The following CTIF variants were observed in gnomAD, a reference collection of about 807,000 sequenced individuals.
CTIF encodes cap binding complex dependent translation initiation factor, also known as CBP80/20-dependent translation initiation factor.
A neutral mutation model predicts 66.0 loss-of-function variants in CTIF; 21 were observed. That is an observed-to-expected ratio of 0.32 (90% CI 0.23 to 0.46). The LOEUF is 0.46. Among genes scored for constraint, CTIF ranks in the 20% least tolerant of loss-of-function variants. The pLI is 1.00. For missense variants in CTIF, 739 were observed against 812.7 expected (o/e 0.91, Z 1.10); for synonymous variants, 345 against 326.4 (o/e 1.06, Z -0.62).
At position 48,664,428 on chromosome 18, in the gene CTIF, A is replaced by G. The variant is rs1169981303; in HGVS notation, c.327-19A>G. On this transcript the variant is annotated intron_variant, in intron 4 of 11. Transcript: ENST00000256413. ...TGTTGCCCTCTTGCCTCCGTTTCTC[A>G]CCCTCCCTCGCCCTCTAGTGGTGCC... The G allele has an allele frequency of 6.2e-7, 1 of 1,605,140 alleles. No homozygotes were observed. The highest frequency in any genetic ancestry group is 8.5e-7 in the Non-Finnish European group (1 of 1,173,340).
At chr18:48,729,914 G>A (rs576130943) in intron 7 of CTIF, among the ~76,000 whole-genome samples, 15 of 152,320 alleles carry the variant, frequency 9.8e-5, no homozygotes, top group South Asian at 4.1e-4. Context: ...CTGTTAATCC[G>A]CTCTTTCCAA....
At chr18:48,559,545 G>A (rs908170851) in intron 1 of CTIF, among the ~76,000 whole-genome samples, 2 of 152,216 alleles carry the variant, frequency 1.3e-5, no homozygotes, top group African/African-American at 4.8e-5. Flanking sequence ...TCCTGCTCAT[G>A]AGTCTGTAAT....
rs542420676 is a variant in CTIF, at chr18:48,723,646, C to T, written c.584+11951C>T. 2.1e-4 allele frequency among the ~76,000 whole-genome samples: 32 copies of T among 152,294 alleles called. No individual in the cohort carries two copies. In the Middle Eastern group the frequency reaches 0.02, roughly 97 times the overall value. ...AGAGCTTCCTCCAGCTGTTGGCTCCCCTGACTCCCAAGAGGACAAACCCAG... is the reference window on the plus strand; with the variant it reads ...AGAGCTTCCTCCAGCTGTTGGCTCCTCTGACTCCCAAGAGGACAAACCCAG... On this transcript the variant is annotated intron_variant, in intron 7 of 11. Transcript: ENST00000256413.
intron 9 of CTIF, among the ~76,000 whole-genome samples, chr18:48,769,795 T>G (rs573577858): frequency 6.6e-6 from 1 of 152,382 alleles, no homozygotes; most frequent in Admixed American, 6.5e-5. Flanking sequence ...AATCTTTATT[T>G]CTTCTCAACG....
chr18:48,805,189 C>T (rs959610204), intron 9 of CTIF, among the ~76,000 whole-genome samples: 1 of 152,200 alleles, frequency 6.6e-6, no homozygotes, highest in Non-Finnish European at 1.5e-5. Context: ...ATTCCCAGCC[C>T]TCTGCTTCAC....
chr18:48,593,953 G>A (rs764866722), intron 1 of CTIF, among the ~76,000 whole-genome samples: 9 of 152,006 alleles, frequency 5.9e-5, no homozygotes, highest in Non-Finnish European at 8.8e-5. Flanking sequence ...TGTGATAGAG[G>A]CTCCTGAACA....
At chr18:48,732,404 G>A (rs2092464527) in intron 7 of CTIF, among the ~76,000 whole-genome samples, 3 of 152,036 alleles carry the variant, frequency 2.0e-5, no homozygotes, top group Non-Finnish European at 4.4e-5. Context: ...CAGCAGGGCA[G>A]TGCACACCCA....
intron 10 of CTIF, among the ~76,000 whole-genome samples, chr18:48,847,185 G>A (rs1431896617): frequency 6.6e-6 from 1 of 151,884 alleles, no homozygotes; most frequent in South Asian, 2.1e-4. Context: ...GTGCGTGCCT[G>A]TAGTCCCAGC....
At chr18:48,734,305 C>T (rs1037054986) in intron 7 of CTIF, among the ~76,000 whole-genome samples, 1 of 152,228 alleles carries the variant, frequency 6.6e-6, no homozygotes, top group African/African-American at 2.4e-5. Flanking sequence ...GTGGCTCACG[C>T]CTGTAATCCT....
In CTIF at chr18:48,761,782, A is replaced by G. The variant is rs1020753189; in HGVS notation, c.1371+93A>G. 10 of 1,294,750 alleles carry G rather than the reference A, an allele frequency of 7.7e-6. No homozygotes were observed. In the African/African-American group the frequency reaches 1.5e-4, roughly 19 times the overall value. 80.2% of individuals were successfully genotyped at this position (1,294,750 alleles called of 1,614,324 possible). ...CGAGAAGGCTGCGAGTTCTGGCCAC[A>G]GTTGGACTTTTCCCAAGTTCCGCCC... On this transcript the variant is annotated intron_variant, in intron 9 of 11. Transcript: ENST00000256413. This position sits in a 1 kb window ranked among gnomAD's most constrained non-coding sequence, Gnocchi z 4.2.
intron 6 of CTIF, among the ~76,000 whole-genome samples, chr18:48,682,001 G>T (rs1335504824): frequency 6.6e-6 from 1 of 151,888 alleles, no homozygotes; most frequent in Non-Finnish European, 1.5e-5. Context: ...GGCCAGGCTG[G>T]TCTTGAACTC....
intron 1 of CTIF, among the ~76,000 whole-genome samples, chr18:48,571,357 C>T (rs944474063): frequency 2.0e-5 from 3 of 152,114 alleles, no homozygotes; most frequent in African/African-American, 4.8e-5. Context: ...GGGGTTTCAC[C>T]GTGTTGGTCA....
intron 1 of CTIF, among the ~76,000 whole-genome samples, chr18:48,581,874 G>A (rs140607533): frequency 6.6e-6 from 1 of 152,292 alleles, no homozygotes; most frequent in East Asian, 1.9e-4. Context: ...AAAGGGAATG[G>A]TTTGGAAATA....
At position 48,817,381 on chromosome 18, in the gene CTIF, G is replaced by A. The variant is rs1453392023; in HGVS notation, c.1527+5G>A. 1.9e-6 allele frequency: 3 copies of A among 1,607,196 alleles called. No homozygotes were observed. The highest frequency in any genetic ancestry group is 1.7e-4 in the Middle Eastern group (1 of 6,056). ...ATCTACACCTGCCTCAGGGAGGTAA[G>A]AGACCTGCCGCCTGTGCCCCCTGCA... is the stretch of plus-strand genomic sequence containing the variant. On this transcript the variant is annotated splice_donor_5th_base_variant and intron_variant, in intron 10 of 11. Transcript: ENST00000256413.
intron 7 of CTIF, among the ~76,000 whole-genome samples, chr18:48,727,854 T>C (rs2092399142): frequency 6.6e-6 from 1 of 152,136 alleles, no homozygotes; most frequent in South Asian, 2.1e-4. Flanking sequence ...TTCCTGAGAG[T>C]GCCTGGATTT....
intron 10 of CTIF, among the ~76,000 whole-genome samples, chr18:48,842,789 G>A (rs777456673): frequency 6.6e-5 from 10 of 152,232 alleles, no homozygotes; most frequent in Non-Finnish European, 1.3e-4. Flanking sequence ...TTTAGAGAGC[G>A]GAAAATGCCT....
chr18:48,644,316 A>G (rs1380154651), intron 3 of CTIF, among the ~76,000 whole-genome samples: 2 of 152,152 alleles, frequency 1.3e-5, no homozygotes, highest in Non-Finnish European at 2.9e-5. Context: ...GGCTGTTTGC[A>G]TGGAGGGTAG....
intron 9 of CTIF, among the ~76,000 whole-genome samples, chr18:48,796,508 C>T (rs1337429488): frequency 2.0e-5 from 3 of 152,102 alleles, no homozygotes; most frequent in African/African-American, 7.2e-5. Flanking sequence ...GCTAACATGT[C>T]CATCATTCTG....
At chr18:48,570,850 G>A (rs1185087798) in intron 1 of CTIF, among the ~76,000 whole-genome samples, 3 of 152,036 alleles carry the variant, frequency 2.0e-5, no homozygotes, top group Non-Finnish European at 2.9e-5. Context: ...AGAGTGGAGC[G>A]GGGACCAGAG....
Sources: allele counts gnomAD v4.1 joint callset (sites outside exome capture counted in the v4.1 genomes callset), GRCh38; gene constraint gnomAD v4.1.1; non-coding constraint Gnocchi (gnomAD v3.1); transcripts MANE v1.5; gene names NCBI Gene and HGNC (gene_info 2026-07-23, HGNC 2026-07-21).